The following ADAMTS13 variants were observed in gnomAD, a reference collection of about 807,000 sequenced individuals.
ADAMTS13 encodes the protein ADAM metallopeptidase with thrombospondin type 1 motif 13.
A neutral mutation model predicts 155.1 loss-of-function variants in ADAMTS13; 110 were observed. The ratio of observed to expected loss-of-function variants is 0.71; its 90% CI spans 0.61 to 0.83. The LOEUF (loss-of-function observed/expected upper bound fraction) is 0.83. Ranked by LOEUF, ADAMTS13 falls within the 40% of genes least tolerant of loss-of-function variation. ADAMTS13 has a pLI of 0.00. For missense variants in ADAMTS13, 1,707 were observed against 1,891.7 expected (o/e 0.90, Z 1.81); for synonymous variants, 758 against 756.4 (o/e 1.00, Z -0.03).
Position 133,456,030 on chromosome 9 carries a change from G to A in ADAMTS13, c.3401-39G>A, listed in dbSNP as rs369568497. On this transcript the variant is annotated intron_variant, in intron 25 of 28. Coordinates refer to ENST00000355699, the MANE Select transcript of ADAMTS13 (RefSeq NM_139027.6). This position sits in a 1 kb window ranked among gnomAD's most constrained non-coding sequence, Gnocchi z 4.4. ...CCCGGAGCCTGCCCTGCTGGGAATC[G>A]GGGAAGCACTGCTTACCTGTCTCCT... is the stretch of plus-strand genomic sequence containing the variant. 5.0e-6 allele frequency: 8 copies of A among 1,612,528 alleles called. No homozygotes were observed. Among genetic ancestry groups the A allele is most frequent in the South Asian group, 3.3e-5 (3 of 91,046 alleles).
chr9:133,436,794 A>G, intron 11 of ADAMTS13, 35 bp from the exon 12 acceptor site: 2 of 447,130 alleles, frequency 4.5e-6, no homozygotes, highest in African/African-American at 8.8e-5. Context: ...CCCCCGCCCC[A>G]CCGCCATCCC....
At position 133,433,377 on chromosome 9, in the gene ADAMTS13, G is replaced by C; in HGVS notation, c.1093-1G>C. ...GAGATGAAGCCATCCTTGCCTTGCA[G>C]TGGTGCTCCAAGGGTCGCTGCCGCT... On this transcript the variant is annotated splice_acceptor_variant, in intron 9 of 28. Coordinates refer to ENST00000355699, the MANE Select transcript of ADAMTS13 (RefSeq NM_139027.6). LOFTEE classifies it high-confidence loss of function. The C allele has an allele frequency of 6.2e-7, 1 of 1,612,744 alleles. No individual in the cohort carries two copies.
chr9:133,455,659 G>C, intron 25 of ADAMTS13: 7 of 1,585,890 alleles, frequency 4.4e-6, no homozygotes, highest in Non-Finnish European at 6.0e-6. Flanking sequence ...GTGGGCAAAG[G>C]CATCTTCCTC....
rs7025009 is a variant in ADAMTS13 at position 133,435,151 on chromosome 9, A to G, written c.1308+1447A>G. Among the ~76,000 whole-genome samples, 661 of 150,068 alleles carry G rather than the reference A, an allele frequency of 4.4e-3. 4 individuals carry two copies. The highest frequency in any genetic ancestry group is 0.016 in the African/African-American group (642 of 40,856). ...TGGCAGTATGCTGAAGAGCGGAGTTACTGGATCGTATGGGAATTGTATGTT... is the reference window on the plus strand; with the variant it reads ...TGGCAGTATGCTGAAGAGCGGAGTTGCTGGATCGTATGGGAATTGTATGTT... On this transcript the variant is annotated intron_variant, in intron 11 of 28. Coordinates refer to ENST00000355699, the MANE Select transcript of ADAMTS13 (RefSeq NM_139027.6).
chr9:133,432,706 G>A lies in ADAMTS13; in HGVS notation c.1092+14G>A, dbSNP rs1240252687. ...GGCGTGGAGAAGGTCAGAGCCAAGA[G>A]TGAATGAGTGGGCTCCTGTGAGCAC... On this transcript the variant is annotated intron_variant, in intron 9 of 28. Coordinates refer to ENST00000355699, the MANE Select transcript of ADAMTS13 (RefSeq NM_139027.6). The A allele has an allele frequency of 5.8e-6, 9 of 1,551,202 alleles. No homozygotes were observed. Among genetic ancestry groups the A allele is most frequent in the African/African-American group, 1.4e-5 (1 of 73,380 alleles).
chr9:133,453,021 G>A (rs1041865556), intron 23 of ADAMTS13, among the ~76,000 whole-genome samples: 1 of 152,106 alleles, frequency 6.6e-6, no homozygotes, highest in Admixed American at 6.5e-5. Context: ...GTCCAGAACG[G>A]CACTCTCGTC....
intron 24 of ADAMTS13, among the ~76,000 whole-genome samples, chr9:133,454,859 C>T (rs1442477903): frequency 6.6e-6 from 1 of 152,166 alleles, no homozygotes; most frequent in Non-Finnish European, 1.5e-5. Flanking sequence ...AATGGCAGGC[C>T]ACTCAGCTCT....
chr9:133,436,998 G>A, intron 12 of ADAMTS13, 43 bp downstream of exon 12: 1 of 1,575,916 alleles, frequency 6.3e-7, no homozygotes, highest in Non-Finnish European at 8.6e-7. Flanking sequence ...AGCCAGCCCT[G>A]GAGACCCTCG....
Position 133,422,398 on chromosome 9 carries a change from G to C in ADAMTS13, c.-46G>C, listed in dbSNP as rs587642688. On this transcript the variant is annotated 5_prime_UTR_variant, in exon 1 of 29. Transcript: ENST00000355699. Reference sequence around the variant, plus strand: ...TACTGACCAGATTCCCAGTCACCAAGGCCCCCTCTCACTCCGCTCCACTCC... The same window carrying C: ...TACTGACCAGATTCCCAGTCACCAACGCCCCCTCTCACTCCGCTCCACTCC... 151 of 1,554,434 alleles carry C rather than the reference G, an allele frequency of 9.7e-5. 1 individual carries two copies. In the South Asian group the frequency reaches 1.6e-3, roughly 17 times the overall value.
rs1554793825 is a variant in ADAMTS13 at position 133,449,829 on chromosome 9, G to T, written c.2908G>T (p.Val970Phe). 3 of 1,614,092 alleles carry T rather than the reference G, an allele frequency of 1.9e-6. No individual in the cohort carries two copies. The South Asian group carries it at 3.3e-5, about 18-fold the overall frequency. Residue 970 changes from valine (V) to phenylalanine (F), a missense_variant, in exon 23 of 29, where the codon GTC (valine) becomes TTC (phenylalanine). Physicochemically the swap from Val to Phe is conservative, Grantham distance 50. This residue lies in a region of ADAMTS13 where 961 missense variants were observed against 1,107.9 expected (regional missense o/e 0.87). Coordinates refer to ENST00000355699, the MANE Select transcript of ADAMTS13 (RefSeq NM_139027.6). Reference protein sequence around the residue: ...AACSVSCGRGVVRRILYCARA... With the variant: ...AACSVSCGRGFVRRILYCARA... The stretch of plus-strand genomic sequence containing the variant: ...CTGCAGCGTGAGCTGTGGGAGAGGG[G>T]TCGTGCGGAGGATCCTGTATTGTGC...
intron 23 of ADAMTS13, among the ~76,000 whole-genome samples, chr9:133,450,792 C>T (rs1842392210): frequency 1.3e-5 from 2 of 152,136 alleles, no homozygotes; most frequent in Admixed American, 1.3e-4. Flanking sequence ...GTGGGGGGCT[C>T]AGTGGCCCAA....
upstream of ADAMTS13, among the ~76,000 whole-genome samples, chr9:133,419,360 A>G (rs1839853110): frequency 6.6e-6 from 1 of 152,190 alleles, no homozygotes. Context: ...AGAGACGTCT[A>G]ATCAGCAGCA....
chr9:133,417,821 G>A, upstream of ADAMTS13: 1 of 1,603,496 alleles, frequency 6.2e-7, no homozygotes, highest in Non-Finnish European at 8.5e-7. Flanking sequence ...CGCGCTTGGA[G>A]GCGGGGACCT....
At chr9:133,447,151 G>A (rs1229257208) in intron 21 of ADAMTS13, among the ~76,000 whole-genome samples, 1 of 151,780 alleles carries the variant, frequency 6.6e-6, no homozygotes, top group Non-Finnish European at 1.5e-5. Context: ...CCCCACACCT[G>A]GCCTATTTCT....
Position 133,433,686 on chromosome 9 carries a change from C to T in ADAMTS13, c.1290C>T (p.Ala430=), listed in dbSNP as rs138401488. The T allele has an allele frequency of 8.0e-5, 129 of 1,613,604 alleles. 1 individual carries two copies. In the African/African-American group the frequency reaches 1.6e-3, roughly 20 times the overall value. The change falls in exon 11 of 29, where the codon GCC becomes GCT. Residue 430 remains alanine, a synonymous_variant. Coordinates refer to ENST00000355699, the MANE Select transcript of ADAMTS13 (RefSeq NM_139027.6). ...GRACVGADLQ[A]EMCNTQACEK... is the part of the protein sequence containing the mutation. ...CATGTGTTGGTGCTGACCTCCAGGC[C>T]GAGATGTGCAACACTCAGGTAGGCC...
chr9:133,452,120 CT>C (rs79700317), intron 23 of ADAMTS13, among the ~76,000 whole-genome samples: 139 of 144,680 alleles, frequency 9.6e-4, no homozygotes, highest in East Asian at 2.0e-3. Context: ...TTTTCTTCTC[CT>C]TTTTTTTTTT....
At chr9:133,426,711 G>A (rs917245198) in intron 6 of ADAMTS13, among the ~76,000 whole-genome samples, 1 of 151,778 alleles carries the variant, frequency 6.6e-6, no homozygotes. Context: ...TTTCTTATTT[G>A]CAAAATTGGG....
rs781899072 is a variant in ADAMTS13 at position 133,440,305 on chromosome 9, C to G, written c.1787-39C>G. On this transcript the variant is annotated intron_variant, in intron 15 of 28. Transcript: ENST00000355699. This position sits in a 1 kb window ranked among gnomAD's most constrained non-coding sequence, Gnocchi z 4.3. The stretch of plus-strand genomic sequence containing the variant: ...CATGTGCCTGTGAGGAGGATGGGTG[C>G]TCAGCTCCACACAGCTAACAGGGCT... 1 of 1,612,878 alleles carries G rather than the reference C, an allele frequency of 6.2e-7. No individual in the cohort carries two copies. The highest frequency in any genetic ancestry group is 8.5e-7 in the Non-Finnish European group (1 of 1,179,676).
Position 133,433,678 on chromosome 9 carries a change from C to T in ADAMTS13, c.1282C>T (p.Leu428Phe), listed in dbSNP as rs782519493. ...GGGGCGTGCATGTGTTGGTGCTGAC[C>T]TCCAGGCCGAGATGTGCAACACTCA... ...FGGRACVGAD[L>F]QAEMCNTQAC... The change falls in exon 11 of 29, where the codon CTC (leucine) becomes TTC (phenylalanine). Residue 428 changes from leucine to phenylalanine, a missense_variant. This residue lies in a region of ADAMTS13 where 733 missense variants were observed against 749.6 expected (regional missense o/e 0.98). Coordinates refer to ENST00000355699, the MANE Select transcript of ADAMTS13 (RefSeq NM_139027.6). 1.9e-6 allele frequency: 3 copies of T among 1,613,682 alleles called. No individual in the cohort carries two copies. The East Asian group carries it at 6.7e-5, about 36-fold the overall frequency.
Sources: gnomAD v4.1 joint callset for allele counts (sites outside exome capture counted in the v4.1 genomes callset) on GRCh38, gnomAD v4.1.1 for gene constraint, gnomAD v4.1.1 regional missense constraint, Gnocchi (gnomAD v3.1) non-coding constraint, MANE v1.5 for transcripts, NCBI Gene and HGNC (gene_info 2026-07-23, HGNC 2026-07-21) for gene names.